Variants in ANKRD13D observed in about 807,000 individuals in gnomAD.
The protein encoded by ANKRD13D is ankyrin repeat domain 13D.
Under a neutral mutation model 68.8 loss-of-function variants are expected in ANKRD13D, and 24 were observed. The observed-to-expected ratio is 0.35, with a 90% CI of 0.25 to 0.49. ANKRD13D has a LOEUF of 0.49. Ranked by LOEUF, ANKRD13D falls within the 20% of genes least tolerant of loss-of-function variation. The pLI, the probability that ANKRD13D is intolerant of heterozygous loss-of-function variation, is 0.99. For synonymous variants in ANKRD13D, 331 were observed against 336.1 expected (o/e 0.98, Z 0.16); for missense variants, 735 against 832.1 (o/e 0.88, Z 1.44).
chr11:67,289,796 G>A, intron 1 of ANKRD13D: 1 of 1,421,820 alleles, frequency 7.0e-7, no homozygotes. Flanking sequence ...GCTGACCCAA[G>A]CTGAGAACAA....
chr11:67,289,785 T>G, intron 1 of ANKRD13D: 1 of 1,421,178 alleles, frequency 7.0e-7, no homozygotes. Context: ...TCCGCATCCT[T>G]GCTGACCCAA....
chr11:67,291,579 C>T (rs1334798191), intron 4 of ANKRD13D, 24 bp from the exon 5 acceptor site: 2 of 1,613,890 alleles, frequency 1.2e-6, no homozygotes, highest in Non-Finnish European at 1.7e-6. Flanking sequence ...GAAAGACCCC[C>T]AGTGACCCCT....
chr11:67,290,215 T>TA lies in ANKRD13D; in HGVS notation c.226+3dup. ...AAGAGAACCGCCAGGGCTGGGCAGG[T>TA]ACTGCAGAGGACAAGGGGCTCCCCC... On this transcript the variant is annotated splice_region_variant and intron_variant, in intron 2 of 14. Coordinates refer to ENST00000511455, the MANE Select transcript of ANKRD13D (RefSeq NM_207354.3). The TA allele has an allele frequency of 6.5e-7, 1 of 1,540,402 alleles. No homozygotes were observed. The highest frequency in any genetic ancestry group is 1.2e-5 in the South Asian group (1 of 84,048).
rs778889226 is a variant in ANKRD13D at position 67,290,412 on chromosome 11, C to T, written c.317C>T (p.Ala106Val). The T allele has an allele frequency of 1.7e-5, 27 of 1,589,398 alleles. No individual in the cohort carries two copies. The highest frequency in any genetic ancestry group is 2.3e-5 in the Non-Finnish European group (27 of 1,169,624). ...TACCAGAGGGCCACGCAGAGGCTGG[C>T]GGGCATTCCGGAACTGCTCAACAAA... ...RDYQRATQRL[A>V]GIPELLNKLR... The change falls in exon 3 of 15, where the codon GCG becomes GTG. Residue 106 changes from alanine to valine, a missense_variant. By Grantham distance (64) the Ala-to-Val change is moderately conservative (BLOSUM62 0). Transcript: ENST00000511455.
chr11:67,301,903 A>G lies in ANKRD13D; in HGVS notation c.1604+80A>G. On this transcript the variant is annotated intron_variant, in intron 14 of 14. Coordinates refer to ENST00000511455, the MANE Select transcript of ANKRD13D (RefSeq NM_207354.3). This position sits in a 1 kb window ranked among gnomAD's most constrained non-coding sequence, Gnocchi z 4.5. ...GGGAGGGGGATAGCAGGAAGGTGCT[A>G]GGACCCCAGGCCCTCTGCAAGGCCA... is the stretch of plus-strand genomic sequence containing the variant. 6.9e-7 allele frequency: 1 copy of G among 1,457,072 alleles called. No homozygotes were observed. The highest frequency in any genetic ancestry group is 9.2e-7 in the Non-Finnish European group (1 of 1,086,078). 90.3% of individuals were successfully genotyped at this position (1,457,072 alleles called of 1,614,324 possible). A position where few individuals can be genotyped will look rare whatever the true frequency, so the allele number is the denominator to read the frequency against.
chr11:67,301,896 AG>A lies in ANKRD13D; in HGVS notation c.1604+75del. 1.4e-6 allele frequency: 2 copies of A among 1,479,318 alleles called. No homozygotes were observed. Among genetic ancestry groups the A allele is most frequent in the African/African-American group, 2.8e-5 (2 of 71,634 alleles). 91.6% of individuals were successfully genotyped at this position (1,479,318 alleles called of 1,614,324 possible). On this transcript the variant is annotated intron_variant, in intron 14 of 14. Transcript: ENST00000511455. This position sits in a 1 kb window ranked among gnomAD's most constrained non-coding sequence, Gnocchi z 4.5. ...CTTGGCGGGGAGGGGGATAGCAGGA[AG>A]GTGCTAGGACCCCAGGCCCTCTGCA...
chr11:67,300,180 C>T lies in ANKRD13D; in HGVS notation c.1073+57C>T, dbSNP rs777725861. Reference sequence around the variant, plus strand: ...TCGGGACAAGGGCTCTTGCAGACCCCTCTCTGGGCCTGTCATAGTTAGGGA... The same window carrying T: ...TCGGGACAAGGGCTCTTGCAGACCCTTCTCTGGGCCTGTCATAGTTAGGGA... On this transcript the variant is annotated intron_variant, in intron 10 of 14. Coordinates refer to ENST00000511455, the MANE Select transcript of ANKRD13D (RefSeq NM_207354.3). This position sits in a 1 kb window ranked among gnomAD's most constrained non-coding sequence, Gnocchi z 4.3. 21 of 1,603,592 alleles carry T rather than the reference C, an allele frequency of 1.3e-5. No individual in the cohort carries two copies. The highest frequency in any genetic ancestry group is 1.8e-5 in the Non-Finnish European group (21 of 1,174,004).
At chr11:67,296,965 A>G (rs771860932) in intron 6 of ANKRD13D, among the ~76,000 whole-genome samples, 3 of 152,188 alleles carry the variant, frequency 2.0e-5, no homozygotes, top group South Asian at 2.1e-4. Flanking sequence ...CAACCTAGCT[A>G]AAGGTTTGTC....
rs545092792 is a variant in ANKRD13D, at chr11:67,301,250, G to C, written c.1232-32G>C. The C allele has an allele frequency of 4.4e-6, 7 of 1,599,330 alleles. No individual in the cohort carries two copies. In the South Asian group the frequency reaches 6.8e-5, roughly 15 times the overall value. ...GGGCCGGAGGCACAGGTGGCTCTCC[G>C]CCAGGGCTCAGGCGTGGCTGTCTTC... On this transcript the variant is annotated intron_variant, in intron 11 of 14. Coordinates refer to ENST00000511455, the MANE Select transcript of ANKRD13D (RefSeq NM_207354.3). The surrounding 1 kb of genome is among the most constrained non-coding windows in gnomAD (Gnocchi z 4.5).
chr11:67,290,046 C>T (rs1860466674), intron 1 of ANKRD13D, 32 bp from the exon 2 acceptor site: 2 of 1,531,528 alleles, frequency 1.3e-6, no homozygotes, highest in African/African-American at 1.4e-5. Context: ...CCTCTTCTCT[C>T]CTGCCCTTTG....
chr11:67,293,232 T>C (rs1860647850), intron 6 of ANKRD13D, among the ~76,000 whole-genome samples: 1 of 152,248 alleles, frequency 6.6e-6, no homozygotes, highest in African/African-American at 2.4e-5. Flanking sequence ...ATTGACTGTT[T>C]ACCAAACGAG....
chr11:67,302,044 TC>T (rs1647846757), intron 14 of ANKRD13D, 74 bp from the exon 15 acceptor site: 3 of 1,457,850 alleles, frequency 2.1e-6, no homozygotes, highest in South Asian at 1.4e-5. Flanking sequence ...CCAAAGCCGG[TC>T]CCCAGCCCCT....
At chr11:67,296,637 GT>G (rs1490101981) in intron 6 of ANKRD13D, among the ~76,000 whole-genome samples, 6 of 150,884 alleles carry the variant, frequency 4.0e-5, no homozygotes, top group Non-Finnish European at 7.4e-5. Flanking sequence ...GTTTTGTTTT[GT>G]TTTGTTTTTG....
In ANKRD13D at chr11:67,290,230, G is replaced by C; in HGVS notation, c.226+17G>C. On this transcript the variant is annotated intron_variant, in intron 2 of 14. Transcript: ENST00000511455. ...GCTGGGCAGGTACTGCAGAGGACAAGGGGCTCCCCCTGAGGCTGGCAGGCG... is the reference window on the plus strand; with the variant it reads ...GCTGGGCAGGTACTGCAGAGGACAACGGGCTCCCCCTGAGGCTGGCAGGCG... 1 of 1,542,718 alleles carries C rather than the reference G, an allele frequency of 6.5e-7. No individual in the cohort carries two copies. The highest frequency in any genetic ancestry group is 8.7e-7 in the Non-Finnish European group (1 of 1,146,684).
chr11:67,294,536 T>G (rs1860691446), intron 6 of ANKRD13D, among the ~76,000 whole-genome samples: 1 of 151,984 alleles, frequency 6.6e-6, no homozygotes. Context: ...TTTGTTTTGT[T>G]TTGTTTTTTT....
At chr11:67,291,873 AG>A in intron 5 of ANKRD13D, 117 bp from the exon 6 acceptor site, 1 of 1,512,312 alleles carries the variant, frequency 6.6e-7, no homozygotes, top group Non-Finnish European at 8.8e-7. Context: ...AGGGGCATCC[AG>A]GGGCCAAGAC....
intron 6 of ANKRD13D, among the ~76,000 whole-genome samples, chr11:67,294,526 T>G (rs533242799): frequency 6.6e-6 from 1 of 152,200 alleles, no homozygotes; most frequent in Non-Finnish European, 1.5e-5. Flanking sequence ...TATTCTGTTT[T>G]TTGTTTTGTT....
In ANKRD13D at chr11:67,291,727, C is replaced by T; in HGVS notation, c.522C>T (p.Ser174=). Residue 174 remains serine, a synonymous_variant, in exon 5 of 15, where the codon AGC becomes AGT. Coordinates refer to ENST00000511455, the MANE Select transcript of ANKRD13D (RefSeq NM_207354.3). ...EHMTWQRGRR[S]FIFKGQEAGA... ...TGACCTGGCAGCGGGGCCGGAGGAG[C>T]TTCATCTTCAAGGGCCAGGGTGAGC... 6.2e-7 allele frequency: 1 copy of T among 1,613,956 alleles called. No homozygotes were observed. The highest frequency in any genetic ancestry group is 2.2e-5 in the East Asian group (1 of 44,886).
rs772616946 is a variant in ANKRD13D at position 67,301,193 on chromosome 11, C to G, written c.1231+46C>G. ...AGCGGGAGGACCTCAGGCATGGCAC[C>G]CTCCCTCAGCGCAGTCCCTGGAGAG... On this transcript the variant is annotated intron_variant, in intron 11 of 14. Transcript: ENST00000511455. The surrounding 1 kb of genome is among the most constrained non-coding windows in gnomAD (Gnocchi z 4.5). 1 of 1,603,920 alleles carries G rather than the reference C, an allele frequency of 6.2e-7. No homozygotes were observed. Among genetic ancestry groups the G allele is most frequent in the Non-Finnish European group, 8.5e-7 (1 of 1,174,344 alleles).
Sources: gnomAD v4.1 joint callset for allele counts (sites outside exome capture counted in the v4.1 genomes callset) on GRCh38, gnomAD v4.1.1 for gene constraint, Gnocchi (gnomAD v3.1) non-coding constraint, MANE v1.5 for transcripts, NCBI Gene and HGNC (gene_info 2026-07-23, HGNC 2026-07-21) for gene names.